The following NKAIN2 variants were observed in gnomAD, a reference collection of about 807,000 sequenced individuals.
NKAIN2 encodes the protein sodium/potassium transporting ATPase interacting 2.
NKAIN2 carries 14 observed loss-of-function variants against 32.6 expected under a neutral mutation model. The ratio of observed to expected loss-of-function variants is 0.43; its 90% confidence interval spans 0.28 to 0.67. The LOEUF is 0.67. NKAIN2 is among the 30% of genes least tolerant of loss of function. NKAIN2 has a pLI of 0.17. For synonymous variants in NKAIN2, 80 were observed against 87.2 expected (o/e 0.92, Z 0.46); for missense variants, 198 against 258.3 (o/e 0.77, Z 1.60).
intron 4 of NKAIN2, among the ~76,000 whole-genome samples, chr6:124,667,025 C>G (rs1373755997): frequency 6.6e-6 from 1 of 152,088 alleles, no homozygotes; most frequent in Non-Finnish European, 1.5e-5. Flanking sequence ...CAAAAATTAA[C>G]TAAATCCTAC....
chr6:124,391,093 A>C lies in NKAIN2; in HGVS notation c.273+35746A>C, dbSNP rs1014865428. 9.9e-5 allele frequency: 15 copies of C among 152,162 alleles called. 1 individual carries two copies. The highest frequency in any genetic ancestry group is 9.2e-4 in the Admixed American group (14 of 15,260). The allele number at this position is 152,162 out of a possible 1,614,324, so 9.4% of individuals were successfully genotyped here. A position where few individuals can be genotyped will look rare whatever the true frequency, so the allele number is the denominator to read the frequency against. On this transcript the variant is annotated intron_variant, in intron 3 of 6. Transcript: ENST00000368417. ...CCATGAGATGAATAACTATATTTCC[A>C]TAACCTGTGCATAGATGTGGATGAT...
At chr6:124,329,376 C>T (rs1279424740) in intron 2 of NKAIN2, among the ~76,000 whole-genome samples, 1 of 152,110 alleles carries the variant, frequency 6.6e-6, no homozygotes, top group Admixed American at 6.5e-5. Context: ...TTTCTTTGTT[C>T]CTGATCTCTT....
chr6:123,942,779 G>T (rs976631986), intron 1 of NKAIN2, among the ~76,000 whole-genome samples: 3 of 151,972 alleles, frequency 2.0e-5, no homozygotes, highest in African/African-American at 7.2e-5. Flanking sequence ...TATGAGCCAT[G>T]ATTTAAATTA....
chr6:124,456,313 TAA>T (rs11334563), intron 3 of NKAIN2, among the ~76,000 whole-genome samples: 4 of 146,046 alleles, frequency 2.7e-5, no homozygotes, highest in African/African-American at 9.9e-5. Context: ...TATTCCACAA[TAA>T]AAAAAAAACG....
chr6:124,130,084 T>C (rs1450887244), intron 1 of NKAIN2, among the ~76,000 whole-genome samples: 1 of 152,216 alleles, frequency 6.6e-6, no homozygotes, highest in Admixed American at 6.5e-5. Context: ...TTAATTCTAG[T>C]GGGCTCAGCT....
intron 4 of NKAIN2, among the ~76,000 whole-genome samples, chr6:124,661,397 CTT>C (rs1041800409): frequency 6.6e-6 from 1 of 152,204 alleles, no homozygotes; most frequent in Non-Finnish European, 1.5e-5. Context: ...CTCTCCAGCT[CTT>C]TGTCTCCACC....
intron 2 of NKAIN2, among the ~76,000 whole-genome samples, chr6:124,345,802 T>C (rs1383072631): frequency 6.6e-6 from 1 of 152,114 alleles, no homozygotes. Context: ...GATTCATTAA[T>C]TTTTTGAAGG....
At chr6:124,405,387 C>T (rs898903913) in intron 3 of NKAIN2, among the ~76,000 whole-genome samples, 3 of 152,006 alleles carry the variant, frequency 2.0e-5, no homozygotes, top group African/African-American at 7.2e-5. Flanking sequence ...AATTTTCAGA[C>T]CTTAGAAACT....
intron 3 of NKAIN2, among the ~76,000 whole-genome samples, chr6:124,511,103 G>GA (rs1417101724): frequency 2.0e-5 from 3 of 151,964 alleles, no homozygotes; most frequent in Non-Finnish European, 4.4e-5. Context: ...TAATATGATT[G>GA]AAAAAAACAG....
chr6:123,879,347 A>G (rs900251179), intron 1 of NKAIN2, among the ~76,000 whole-genome samples: 1 of 152,250 alleles, frequency 6.6e-6, no homozygotes, highest in African/African-American at 2.4e-5. Context: ...TAGTTGATCC[A>G]TAATGCAGAA....
At chr6:124,789,267 A>T (rs966619003) in intron 4 of NKAIN2, among the ~76,000 whole-genome samples, 2 of 152,132 alleles carry the variant, frequency 1.3e-5, no homozygotes, top group Non-Finnish European at 2.9e-5. Context: ...ATTGATGAGT[A>T]AGAATTTTTT....
intron 1 of NKAIN2, among the ~76,000 whole-genome samples, chr6:124,111,300 T>C (rs1277365189): frequency 6.6e-6 from 1 of 151,910 alleles, no homozygotes; most frequent in Admixed American, 6.6e-5. Flanking sequence ...GAAAATGAGG[T>C]GTGAAGTCTC....
chr6:123,867,387 T>A (rs960473696), intron 1 of NKAIN2, among the ~76,000 whole-genome samples: 1 of 152,226 alleles, frequency 6.6e-6, no homozygotes, highest in Admixed American at 6.5e-5. Context: ...TAAGAAAGTC[T>A]GTTATATTGG....
intron 2 of NKAIN2, among the ~76,000 whole-genome samples, chr6:124,325,231 C>T (rs964333840): frequency 1.1e-4 from 17 of 152,046 alleles, no homozygotes; most frequent in African/African-American, 3.9e-4. Flanking sequence ...AGATTTAACA[C>T]TGATTCTACA....
intron 1 of NKAIN2, among the ~76,000 whole-genome samples, chr6:123,805,333 A>G (rs769293509): frequency 2.6e-5 from 4 of 152,252 alleles, no homozygotes; most frequent in Non-Finnish European, 5.9e-5. Context: ...AGGATTTGCC[A>G]TTGAAACTGG....
chr6:123,896,649 G>A (rs1165267530), intron 1 of NKAIN2, among the ~76,000 whole-genome samples: 12 of 152,126 alleles, frequency 7.9e-5, no homozygotes, highest in African/African-American at 2.7e-4. Flanking sequence ...GAGAGATGTG[G>A]CTTTAATGTG....
At chr6:124,111,188 T>TGG (rs1237717920) in intron 1 of NKAIN2, among the ~76,000 whole-genome samples, 1 of 152,098 alleles carries the variant, frequency 6.6e-6, no homozygotes, top group Non-Finnish European at 1.5e-5. Flanking sequence ...ATTCTGCTCC[T>TGG]GTTTGGTAGA....
chr6:124,127,276 G>A (rs914234895), intron 1 of NKAIN2, among the ~76,000 whole-genome samples: 2 of 152,058 alleles, frequency 1.3e-5, no homozygotes, highest in South Asian at 2.1e-4. Context: ...GTGTGCAGAC[G>A]TACAAATGAG....
At chr6:124,341,162 T>G (rs571714560) in intron 2 of NKAIN2, among the ~76,000 whole-genome samples, 42 of 152,126 alleles carry the variant, frequency 2.8e-4, no homozygotes, top group African/African-American at 8.4e-4. Context: ...AACTAAACCG[T>G]TTTTTGCAAA....
Sources: gnomAD v4.1 joint callset for allele counts (sites outside exome capture counted in the v4.1 genomes callset) on GRCh38, gnomAD v4.1.1 for gene constraint, MANE v1.5 for transcripts, NCBI Gene and HGNC (gene_info 2026-07-23, HGNC 2026-07-21) for gene names.